The following BDH1 variants were observed in gnomAD, a reference collection of about 807,000 sequenced individuals.
The protein encoded by BDH1 is 3-hydroxybutyrate dehydrogenase 1.
BDH1 carries 30 observed loss-of-function variants against 33.1 expected under a neutral mutation model. The ratio of observed to expected loss-of-function variants is 0.91; its 90% confidence interval spans 0.68 to 1.23. The LOEUF (loss-of-function observed/expected upper bound fraction) is 1.23, where lower values mean the gene tolerates loss of function less well. BDH1 is among the 50% of genes most tolerant of loss of function. The pLI, the probability that BDH1 is intolerant of heterozygous loss-of-function variation, is 0.00. For missense variants in BDH1, 443 were observed against 464.4 expected, an observed-to-expected ratio of 0.95 and a Z score of 0.42; for synonymous variants, 190 against 183.6, an observed-to-expected ratio of 1.03 and a Z score of -0.28.
intron 5 of BDH1, among the ~76,000 whole-genome samples, chr3:197,524,872 G>T (rs566880362): frequency 6.6e-6 from 1 of 152,112 alleles, no homozygotes; most frequent in African/African-American, 2.4e-5. Flanking sequence ...CGTCTTCACC[G>T]CCTGGTTTTC....
At position 197,514,470 on chromosome 3, in the gene BDH1, T is replaced by C; in HGVS notation, c.410-54A>G. ...TACCACATGGGCTTGGCCCAGACAT[T>C]GCCCATCAGCCTGCAGGCCAGCCTC... On this transcript the variant is annotated intron_variant, in intron 6 of 7. Coordinates refer to ENST00000392379, the MANE Select transcript of BDH1 (RefSeq NM_203314.3). The surrounding 1 kb of genome is among the most constrained non-coding windows in gnomAD (Gnocchi z 4.2). 6.7e-7 allele frequency: 1 copy of C among 1,495,222 alleles called. No individual in the cohort carries two copies. The highest frequency in any genetic ancestry group is 9.0e-7 in the Non-Finnish European group (1 of 1,115,408). The allele number at this position is 1,495,222 out of a possible 1,614,324, so 92.6% of individuals were successfully genotyped here.
intron 1 of BDH1, among the ~76,000 whole-genome samples, chr3:197,561,849 A>T (rs1367764): frequency 0.23 from 34,436 of 152,126 alleles, 4,920 homozygotes; most frequent in African/African-American, 0.4. Context: ...TTAAAAAAAA[A>T]ATATTTATTT....
intron 4 of BDH1, 124 bp from the exon 5 acceptor site, chr3:197,532,646 A>G: frequency 1.5e-6 from 1 of 668,248 alleles, no homozygotes; most frequent in Non-Finnish European, 2.6e-6. Flanking sequence ...GGCCCTCCCT[A>G]CCTTGTTCTT....
chr3:197,526,877 G>A lies in BDH1; in HGVS notation c.268-4096C>T, dbSNP rs111376466. ...CACATGGTAAGCCAAGAAGCTCTCCGGGGAGTTCAAGAACTTGGAGAAGTC... is the reference window on the plus strand; with the variant it reads ...CACATGGTAAGCCAAGAAGCTCTCCAGGGAGTTCAAGAACTTGGAGAAGTC... On this transcript the variant is annotated intron_variant, in intron 5 of 7. Coordinates refer to ENST00000392379, the MANE Select transcript of BDH1 (RefSeq NM_203314.3). This position sits in a 1 kb window ranked among gnomAD's most constrained non-coding sequence, Gnocchi z 4.7. 3.7e-3 allele frequency among the ~76,000 whole-genome samples: 567 copies of A among 152,270 alleles called. No homozygotes were observed. Among genetic ancestry groups the A allele is most frequent in the African/African-American group, 0.011 (474 of 41,540 alleles).
intron 3 of BDH1, among the ~76,000 whole-genome samples, chr3:197,534,321 T>C (rs1293382086): frequency 6.6e-6 from 1 of 152,254 alleles, no homozygotes; most frequent in Non-Finnish European, 1.5e-5. Context: ...GTAAATGGCA[T>C]CATACAGTAT....
chr3:197,546,190 T>G, intron 3 of BDH1, 171 bp downstream of exon 3: 1 of 611,754 alleles, frequency 1.6e-6, no homozygotes, highest in Non-Finnish European at 2.9e-6. Context: ...CTGTGTGCCC[T>G]GGGAAAATGT....
rs115268366 is a variant in BDH1, at chr3:197,533,167, G to A, written c.156+322C>T. Among the ~76,000 whole-genome samples, 1,353 of 152,192 alleles carry A rather than the reference G, an allele frequency of 8.9e-3. 17 individuals carry two copies. Among genetic ancestry groups the A allele is most frequent in the East Asian group, 0.036 (184 of 5,156 alleles). On this transcript the variant is annotated intron_variant, in intron 4 of 7. Transcript: ENST00000392379. ...GCTGGGATTACAGGCGGGAGCCACC[G>A]CCCTGGGCCTCCGGAGTCTAAACTC...
intron 1 of BDH1, among the ~76,000 whole-genome samples, chr3:197,571,763 A>G (rs754346297): frequency 6.6e-6 from 1 of 152,198 alleles, no homozygotes; most frequent in Non-Finnish European, 1.5e-5. Context: ...ATGAATACAC[A>G]TATAAACTTT....
At chr3:197,533,642 G>T (rs534377338) in intron 3 of BDH1, 81 bp from the exon 4 acceptor site, 1 of 1,389,034 alleles carries the variant, frequency 7.2e-7, no homozygotes, top group Non-Finnish European at 1.0e-6. Flanking sequence ...AGCACTGGGT[G>T]TCTCTCCAGC....
At chr3:197,569,953 A>C (rs1233865033) in intron 1 of BDH1, among the ~76,000 whole-genome samples, 1 of 143,344 alleles carries the variant, frequency 7.0e-6, no homozygotes. Flanking sequence ...GCTCAGAAGA[A>C]GACAGGAAAA....
At chr3:197,570,494 G>C (rs766516050) in intron 1 of BDH1, among the ~76,000 whole-genome samples, 1 of 152,196 alleles carries the variant, frequency 6.6e-6, no homozygotes, top group Non-Finnish European at 1.5e-5. Context: ...AAATGTTTGC[G>C]TGGCCTGGGC....
At position 197,516,444 on chromosome 3, in the gene BDH1, A is replaced by G. The variant is rs1475666723; in HGVS notation, c.410-2028T>C. Among the ~76,000 whole-genome samples the G allele has an allele frequency of 6.6e-6, 1 of 152,146 alleles. No individual in the cohort carries two copies. The highest frequency in any genetic ancestry group is 1.5e-5 in the Non-Finnish European group (1 of 68,034). On this transcript the variant is annotated intron_variant, in intron 6 of 7. Coordinates refer to ENST00000392379, the MANE Select transcript of BDH1 (RefSeq NM_203314.3). This position sits in a 1 kb window ranked among gnomAD's most constrained non-coding sequence, Gnocchi z 4.2. ...GATTACAGCTTTAATGAGTGTTGAG[A>G]GTGGTGGACCTAGTTGCCATCTGGA... is the stretch of plus-strand genomic sequence containing the variant.
chr3:197,571,772 T>A (rs1353410164), intron 1 of BDH1, among the ~76,000 whole-genome samples: 10 of 152,192 alleles, frequency 6.6e-5, no homozygotes, highest in Admixed American at 1.3e-4. Flanking sequence ...CATATAAACT[T>A]TGAAAGATGG....
chr3:197,556,277 C>T (rs187391178), upstream of BDH1, among the ~76,000 whole-genome samples: 367 of 152,368 alleles, frequency 2.4e-3, 1 homozygote, highest in African/African-American at 8.6e-3. Context: ...GTGAGGAAAA[C>T]TCCGGTGAGG....
At chr3:197,513,254 G>A (rs9873526) in intron 7 of BDH1, among the ~76,000 whole-genome samples, 22,172 of 152,114 alleles carry the variant, frequency 0.15, 2,122 homozygotes, top group Non-Finnish European at 0.21. Flanking sequence ...GGCCCAGCCC[G>A]GGAAGCCGAG....
chr3:197,527,446 T>A (rs928240646), intron 5 of BDH1, among the ~76,000 whole-genome samples: 3 of 152,278 alleles, frequency 2.0e-5, no homozygotes, highest in Admixed American at 2.0e-4. Flanking sequence ...TGCCTTCTTT[T>A]CCCAGCCCAC....
chr3:197,563,618 G>A (rs1283332588), intron 1 of BDH1, among the ~76,000 whole-genome samples: 3 of 151,996 alleles, frequency 2.0e-5, no homozygotes, highest in African/African-American at 4.8e-5. Flanking sequence ...AGAATCTAAA[G>A]TTATATTAAA....
intron 2 of BDH1, among the ~76,000 whole-genome samples, chr3:197,549,914 C>T (rs570374215): frequency 2.6e-5 from 4 of 151,080 alleles, no homozygotes; most frequent in East Asian, 3.9e-4. Flanking sequence ...ACACTATGGG[C>T]ATTTGAGTTT....
In BDH1 at chr3:197,513,883, C is replaced by G. The variant is rs953100256; in HGVS notation, c.562+381G>C. ...TACCACAATGATCTCATTTTTTAAA[C>G]TACGATATAAATAACCCATAGAATG... On this transcript the variant is annotated intron_variant, in intron 7 of 7. Coordinates refer to ENST00000392379, the MANE Select transcript of BDH1 (RefSeq NM_203314.3). Among the ~76,000 whole-genome samples, 4 of 152,292 alleles carry G rather than the reference C, an allele frequency of 2.6e-5. No individual in the cohort carries two copies. The East Asian group carries it at 7.7e-4, about 29-fold the overall frequency.
Sources: gnomAD v4.1 joint callset for allele counts (sites outside exome capture counted in the v4.1 genomes callset) on GRCh38, gnomAD v4.1.1 for gene constraint, Gnocchi (gnomAD v3.1) non-coding constraint, MANE v1.5 for transcripts, NCBI Gene and HGNC (gene_info 2026-07-23, HGNC 2026-07-21) for gene names.